The following AKAP10 variants were observed in gnomAD, a reference collection of about 807,000 sequenced individuals.
The protein encoded by AKAP10 is A-kinase anchoring protein 10.
AKAP10 carries 24 observed loss-of-function variants against 80.8 expected under a neutral mutation model. The observed-to-expected ratio is 0.30, with a 90% confidence interval of 0.22 to 0.42. The LOEUF is 0.42. AKAP10 is among the 10% of genes least tolerant of loss of function. The probability of loss-of-function intolerance (pLI) is 1.00; values close to 1 mark genes in which losing one functional copy is unlikely to be tolerated. For missense variants in AKAP10, 661 were observed against 794.9 expected, an observed-to-expected ratio of 0.83 and a Z score of 2.03; for synonymous variants, 291 against 277.7, an observed-to-expected ratio of 1.05 and a Z score of -0.48.
chr17:19,946,262 TATATA>T (rs2043123673), intron 5 of AKAP10, among the ~76,000 whole-genome samples: 1 of 29,662 alleles, frequency 3.4e-5, no homozygotes, highest in African/African-American at 1.4e-4. Context: ...TATATATATA[TATATA>T]TATATATATT....
At chr17:19,921,431 C>T (rs1165954363) in intron 11 of AKAP10, among the ~76,000 whole-genome samples, 1 of 151,612 alleles carries the variant, frequency 6.6e-6, no homozygotes, top group East Asian at 2.0e-4. Context: ...GCTGGGATTA[C>T]AGGCGTGAGC....
chr17:19,936,705 C>G (rs1411838236), intron 8 of AKAP10, among the ~76,000 whole-genome samples: 1 of 152,158 alleles, frequency 6.6e-6, no homozygotes, highest in Non-Finnish European at 1.5e-5. Flanking sequence ...AAGGATCAGA[C>G]TACAACTGAG....
At chr17:19,921,403 G>A (rs1036620133) in intron 11 of AKAP10, among the ~76,000 whole-genome samples, 13 of 151,826 alleles carry the variant, frequency 8.6e-5, no homozygotes, top group East Asian at 1.9e-4. Flanking sequence ...TGATCTGCCC[G>A]CCTCGGCCTC....
chr17:19,924,419 C>G lies in AKAP10; in HGVS notation c.1740G>C (p.Arg580=), dbSNP rs1349943265. The G allele has an allele frequency of 6.3e-7, 1 of 1,597,288 alleles. No homozygotes were observed. Among genetic ancestry groups the G allele is most frequent in the Middle Eastern group, 1.7e-4 (1 of 6,002 alleles). The part of the protein sequence containing the change: ...ASLDPESLYQ[R]TYAGKMTFGR... ...TGAGCTAAGCTTACCCGGCATATGT[C>G]CGTTGATATAAAGATTCTGGATCCA... The change falls in exon 11 of 15, where the codon CGG becomes CGC. Residue 580 remains arginine, a synonymous_variant. Transcript: ENST00000225737.
intron 3 of AKAP10, among the ~76,000 whole-genome samples, chr17:19,959,031 TTAGTAGAG>T (rs1259954906): frequency 6.6e-6 from 1 of 151,982 alleles, no homozygotes; most frequent in Non-Finnish European, 1.5e-5. Context: ...TTTTGTACTT[TTAGTAGAG>T]ATTCGGTTTC....
chr17:19,933,266 G>A (rs1323714741), intron 9 of AKAP10, among the ~76,000 whole-genome samples: 3 of 152,070 alleles, frequency 2.0e-5, no homozygotes, highest in Admixed American at 6.6e-5. Flanking sequence ...TGATCCACCC[G>A]CCTCGATCTT....
At chr17:19,930,219 A>G (rs2042917814) in intron 10 of AKAP10, among the ~76,000 whole-genome samples, 1 of 152,146 alleles carries the variant, frequency 6.6e-6, no homozygotes, top group Non-Finnish European at 1.5e-5. Context: ...TGTCAACAGT[A>G]ATTAGAAAAT....
intron 1 of AKAP10, among the ~76,000 whole-genome samples, chr17:19,970,539 C>A (rs2043482080): frequency 6.6e-6 from 1 of 152,048 alleles, no homozygotes; most frequent in South Asian, 2.1e-4. Context: ...TAGATATTTC[C>A]TGGCCAAGCG....
intron 12 of AKAP10, among the ~76,000 whole-genome samples, chr17:19,918,925 ATTTT>A (rs528508655): frequency 6.6e-6 from 1 of 152,028 alleles, no homozygotes; most frequent in Non-Finnish European, 1.5e-5. Flanking sequence ...ACATATATTT[ATTTT>A]TTTTAAATTT....
At chr17:19,939,417 C>T (rs2043028612) in intron 8 of AKAP10, among the ~76,000 whole-genome samples, 1 of 152,166 alleles carries the variant, frequency 6.6e-6, no homozygotes, top group South Asian at 2.1e-4. Flanking sequence ...TCTGCCTTCT[C>T]TGGGTAGCAA....
intron 4 of AKAP10, among the ~76,000 whole-genome samples, chr17:19,950,520 G>A (rs543291206): frequency 2.6e-5 from 4 of 152,330 alleles, no homozygotes; most frequent in South Asian, 2.1e-4. Context: ...TGTGTTGGCC[G>A]GGCTGGTCTC....
intron 10 of AKAP10, among the ~76,000 whole-genome samples, chr17:19,931,182 A>C (rs1199230510): frequency 2.6e-5 from 4 of 152,162 alleles, no homozygotes; most frequent in Admixed American, 2.6e-4. Flanking sequence ...CTTATTTTAC[A>C]AAAAGTATCC....
chr17:19,962,245 A>G (rs1045318786), intron 3 of AKAP10, among the ~76,000 whole-genome samples: 1 of 152,080 alleles, frequency 6.6e-6, no homozygotes, highest in Non-Finnish European at 1.5e-5. Context: ...AAACAATACT[A>G]TAATGAATAG....
chr17:19,946,238 T>TTTTATATATATATATATATTAC (rs2043114159), intron 5 of AKAP10, among the ~76,000 whole-genome samples: 3 of 8,794 alleles, frequency 3.4e-4, no homozygotes, highest in African/African-American at 1.5e-3. Context: ...ATATATATAT[T>TTTTATATATATATATATATTAC]ATATATATAT....
chr17:19,958,642 C>A, intron 3 of AKAP10, 71 bp from the exon 4 acceptor site: 4 of 1,325,174 alleles, frequency 3.0e-6, no homozygotes, highest in Non-Finnish European at 4.1e-6. Flanking sequence ...TAGTCAATCA[C>A]TTTTAGCAAC....
intron 5 of AKAP10, among the ~76,000 whole-genome samples, chr17:19,946,222 T>TTTATATA (rs1555576593): frequency 2.9e-5 from 1 of 33,958 alleles, no homozygotes; most frequent in African/African-American, 1.0e-4. Flanking sequence ...TATATATATT[T>TTTATATA]TATATATATA....
chr17:19,965,823 T>C (rs1262644240), intron 2 of AKAP10, among the ~76,000 whole-genome samples: 3 of 152,042 alleles, frequency 2.0e-5, no homozygotes, highest in Admixed American at 1.3e-4. Context: ...GGACCTACTA[T>C]ATACCAGGCA....
At position 19,961,162 on chromosome 17, in the gene AKAP10, C is replaced by T. The variant is rs1215488989; in HGVS notation, c.319+1678G>A. 4.2e-5 allele frequency among the ~76,000 whole-genome samples: 6 copies of T among 141,718 alleles called. No individual in the cohort carries two copies. In the East Asian group the frequency reaches 8.1e-4, roughly 19 times the overall value. 93.0% of individuals were successfully genotyped at this position (141,718 alleles called of 152,430 possible). A position where few individuals can be genotyped will look rare whatever the true frequency, so the allele number is the denominator to read the frequency against. On this transcript the variant is annotated intron_variant, in intron 3 of 14. Transcript: ENST00000225737. ...TTTGAGACCAGCCTGGGAAACATGG[C>T]GAAACCCCGTCTCTACAAAAAAAAA... is the stretch of plus-strand genomic sequence containing the variant.
At chr17:19,930,031 T>C (rs1361234778) in intron 10 of AKAP10, among the ~76,000 whole-genome samples, 1 of 146,310 alleles carries the variant, frequency 6.8e-6, no homozygotes, top group Non-Finnish European at 1.5e-5. Flanking sequence ...CAAGACATTC[T>C]AACCTATATC....
Sources: allele counts gnomAD v4.1 joint callset (sites outside exome capture counted in the v4.1 genomes callset), GRCh38; gene constraint gnomAD v4.1.1; transcripts MANE v1.5; gene names NCBI Gene and HGNC (gene_info 2026-07-23, HGNC 2026-07-21).